The following RALGAPA1 variants were observed in gnomAD, a reference collection of about 807,000 sequenced individuals.
RALGAPA1 encodes the protein Ral GTPase activating protein catalytic subunit alpha 1.
A neutral mutation model predicts 269.6 loss-of-function variants in RALGAPA1; 52 were observed. The ratio of observed to expected loss-of-function variants is 0.19; its 90% CI spans 0.15 to 0.24. The LOEUF is 0.24. RALGAPA1 is among the 10% of genes least tolerant of loss of function. The pLI is 1.00. For synonymous variants in RALGAPA1, 817 were observed against 1,008.3 expected, an observed-to-expected ratio of 0.81 and a Z score of 3.60; for missense variants, 1,917 against 3,013.9, an observed-to-expected ratio of 0.64 and a Z score of 8.52.
At chr14:35,675,367 AG>A (rs1430571445) in intron 22 of RALGAPA1, among the ~76,000 whole-genome samples, 1 of 152,144 alleles carries the variant, frequency 6.6e-6, no homozygotes, top group Non-Finnish European at 1.5e-5. Context: ...TAGTTTAAAC[AG>A]GGTTTCACTA....
chr14:35,630,277 C>T (rs1434493229), intron 33 of RALGAPA1, among the ~76,000 whole-genome samples: 1 of 151,184 alleles, frequency 6.6e-6, no homozygotes, highest in Admixed American at 6.6e-5. Context: ...ATAAACATTT[C>T]TTAGCTTATT....
rs996773055 is a variant in RALGAPA1 at position 35,788,706 on chromosome 14, C to G, written c.107-12961G>C. On this transcript the variant is annotated intron_variant, in intron 1 of 41. Transcript: ENST00000680220. Reference sequence around the variant, plus strand: ...TTTAACAAGGAAGATTATCTTATACCCTCTGCCATAATGTCATAAATATTT... The same window carrying G: ...TTTAACAAGGAAGATTATCTTATACGCTCTGCCATAATGTCATAAATATTT... 1.4e-4 allele frequency among the ~76,000 whole-genome samples: 21 copies of G among 152,178 alleles called. No homozygotes were observed. In the South Asian group the frequency reaches 1.7e-3, roughly 12 times the overall value.
intron 35 of RALGAPA1, among the ~76,000 whole-genome samples, chr14:35,624,488 A>C (rs1408132551): frequency 6.6e-6 from 1 of 152,182 alleles, no homozygotes; most frequent in Non-Finnish European, 1.5e-5. Context: ...GCAGATAACA[A>C]ACAAGTTTAT....
intron 37 of RALGAPA1, among the ~76,000 whole-genome samples, chr14:35,594,876 C>A (rs2058838668): frequency 6.6e-6 from 1 of 152,034 alleles, no homozygotes; most frequent in Non-Finnish European, 1.5e-5. Flanking sequence ...GTATTATTCA[C>A]AATAACCAAG....
intron 21 of RALGAPA1, among the ~76,000 whole-genome samples, chr14:35,680,410 G>T (rs2140337731): frequency 6.6e-6 from 1 of 151,306 alleles, no homozygotes; most frequent in South Asian, 2.1e-4. Flanking sequence ...AAGTTTCACT[G>T]TGTTGGCCAG....
At chr14:35,761,615 G>A (rs1386866648) in intron 5 of RALGAPA1, among the ~76,000 whole-genome samples, 1 of 152,006 alleles carries the variant, frequency 6.6e-6, no homozygotes, top group Non-Finnish European at 1.5e-5. Flanking sequence ...CTCTATTAAA[G>A]CATCTAAAAC....
rs1173924310 is a variant in RALGAPA1, at chr14:35,664,632, C to T, written c.5328+10G>A. 1 of 1,591,398 alleles carries T rather than the reference C, an allele frequency of 6.3e-7. No individual in the cohort carries two copies. The highest frequency in any genetic ancestry group is 8.5e-7 in the Non-Finnish European group (1 of 1,170,888). ...ATTTAAGTGCTAAAAATTAGCATCT[C>T]ATTTCTTACCTTAACATCTGTAAAC... is the stretch of plus-strand genomic sequence containing the variant. On this transcript the variant is annotated intron_variant, in intron 27 of 41. Coordinates refer to ENST00000680220, the MANE Select transcript of RALGAPA1 (RefSeq NM_001346249.2).
chr14:35,626,918 G>T (rs1168373363), intron 34 of RALGAPA1, among the ~76,000 whole-genome samples, 172 bp downstream of exon 34: 1 of 151,000 alleles, frequency 6.6e-6, no homozygotes, highest in African/African-American at 2.4e-5. Context: ...TTATTCCCCT[G>T]AATCCCAATA....
chr14:35,646,123 G>T (rs1011274462), intron 31 of RALGAPA1, among the ~76,000 whole-genome samples: 2 of 152,106 alleles, frequency 1.3e-5, no homozygotes, highest in African/African-American at 4.8e-5. Context: ...GCTAACTAAT[G>T]AATGTAGAAA....
chr14:35,670,093 C>T (rs749920534), intron 26 of RALGAPA1, among the ~76,000 whole-genome samples: 1 of 152,192 alleles, frequency 6.6e-6, no homozygotes, highest in African/African-American at 2.4e-5. Flanking sequence ...ACTTTCATGG[C>T]TTTAAATATC....
intron 17 of RALGAPA1, among the ~76,000 whole-genome samples, chr14:35,698,451 T>C (rs2067069943): frequency 6.6e-6 from 1 of 152,106 alleles, no homozygotes; most frequent in Admixed American, 6.6e-5. Flanking sequence ...CCTTAAGATG[T>C]GGAGAAAAAA....
chr14:35,584,728 C>T (rs2058170722), intron 37 of RALGAPA1, among the ~76,000 whole-genome samples: 1 of 148,096 alleles, frequency 6.8e-6, no homozygotes, highest in African/African-American at 2.5e-5. Flanking sequence ...TCAATTAAAA[C>T]CAGAAAAGGC....
chr14:35,733,382 C>T (rs1486092096), intron 12 of RALGAPA1, among the ~76,000 whole-genome samples: 1 of 152,076 alleles, frequency 6.6e-6, no homozygotes, highest in Non-Finnish European at 1.5e-5. Context: ...GAGGCTGAAG[C>T]AGGAGAATTG....
In RALGAPA1 at chr14:35,737,696, T is replaced by G. The variant is rs1315699020; in HGVS notation, c.1587+817A>C. Among the ~76,000 whole-genome samples the G allele has an allele frequency of 8.7e-5, 11 of 125,768 alleles. No individual in the cohort carries two copies. The East Asian group carries it at 2.7e-3, about 30-fold the overall frequency. The allele number at this position is 125,768 out of a possible 152,430, so 82.5% of individuals were successfully genotyped here. A position where few individuals can be genotyped will look rare whatever the true frequency, so the allele number is the denominator to read the frequency against. ...ATCATTTGAACCCAGGAGGCAGAGG[T>G]TGCAGTGAGCCGAGATCGTGCCATT... On this transcript the variant is annotated intron_variant, in intron 12 of 41. Coordinates refer to ENST00000680220, the MANE Select transcript of RALGAPA1 (RefSeq NM_001346249.2).
At chr14:35,729,373 GA>G (rs1209525000) in intron 12 of RALGAPA1, among the ~76,000 whole-genome samples, 2 of 151,780 alleles carry the variant, frequency 1.3e-5, no homozygotes, top group African/African-American at 4.8e-5. Flanking sequence ...CACATTCATT[GA>G]AATAAAAAAG....
intron 12 of RALGAPA1, among the ~76,000 whole-genome samples, chr14:35,730,633 C>A (rs936547428): frequency 6.7e-6 from 1 of 149,374 alleles, no homozygotes; most frequent in East Asian, 1.9e-4. Context: ...TCCCTGACAA[C>A]CTGCATAACT....
At chr14:35,593,847 C>T (rs2058774504) in intron 37 of RALGAPA1, among the ~76,000 whole-genome samples, 1 of 151,816 alleles carries the variant, frequency 6.6e-6, no homozygotes, top group Non-Finnish European at 1.5e-5. Context: ...GAGTGAGACC[C>T]TGTCTCAAAA....
chr14:35,696,137 A>G (rs923014216), intron 17 of RALGAPA1, among the ~76,000 whole-genome samples: 2 of 152,218 alleles, frequency 1.3e-5, no homozygotes, highest in Non-Finnish European at 2.9e-5. Flanking sequence ...CACGCCTGTA[A>G]TCCCAGCATT....
chr14:35,759,911 CAAAAA>C (rs34611097), intron 6 of RALGAPA1, among the ~76,000 whole-genome samples: 1 of 93,446 alleles, frequency 1.1e-5, no homozygotes, highest in Non-Finnish European at 2.5e-5. Context: ...GATTCTATCT[CAAAAA>C]AAAAAAAAAA....
Sources: allele counts gnomAD v4.1 joint callset (sites outside exome capture counted in the v4.1 genomes callset), GRCh38; gene constraint gnomAD v4.1.1; transcripts MANE v1.5; gene names NCBI Gene and HGNC (gene_info 2026-07-23, HGNC 2026-07-21).